The following HS6ST3 variants were observed in gnomAD, a reference collection of about 807,000 sequenced individuals.
HS6ST3 encodes the protein heparan sulfate 6-O-sulfotransferase 3, also known as heparan-sulfate 6-O-sulfotransferase 3.
A neutral mutation model predicts 36.7 loss-of-function variants in HS6ST3; 12 were observed. The ratio of observed to expected loss-of-function variants is 0.33; its 90% CI spans 0.21 to 0.53. The LOEUF is 0.53. Among genes scored for constraint, HS6ST3 ranks in the 20% least tolerant of loss-of-function variants. The pLI is 0.95. For missense variants in HS6ST3, 584 were observed against 640.9 expected (o/e 0.91, Z 0.96); for synonymous variants, 240 against 257.5 (o/e 0.93, Z 0.65).
intron 1 of HS6ST3, among the ~76,000 whole-genome samples, chr13:96,328,135 A>G (rs1424611145): frequency 6.3e-5 from 9 of 142,072 alleles, no homozygotes; most frequent in Non-Finnish European, 9.2e-5. Flanking sequence ...AACAGGGACA[A>G]TTTGACTTCC....
At chr13:96,113,052 A>G (rs552859715) in intron 1 of HS6ST3, among the ~76,000 whole-genome samples, 121 of 152,228 alleles carry the variant, frequency 7.9e-4, no homozygotes, top group Non-Finnish European at 1.4e-3. Context: ...GGCTGCTGCA[A>G]TGGGCACTGC....
chr13:96,757,847 T>C (rs1594853285), intron 1 of HS6ST3, among the ~76,000 whole-genome samples: 1 of 152,156 alleles, frequency 6.6e-6, no homozygotes, highest in Non-Finnish European at 1.5e-5. Context: ...TTATCTTTTT[T>C]ACACATTATG....
chr13:96,700,476 G>A (rs1455558876), intron 1 of HS6ST3, among the ~76,000 whole-genome samples: 1 of 152,080 alleles, frequency 6.6e-6, no homozygotes, highest in Non-Finnish European at 1.5e-5. Flanking sequence ...CCTTGCTCAG[G>A]ACCTGAGCAT....
chr13:96,676,471 C>A (rs898062054), intron 1 of HS6ST3, among the ~76,000 whole-genome samples: 1 of 152,128 alleles, frequency 6.6e-6, no homozygotes, highest in Admixed American at 6.5e-5. Flanking sequence ...ACCTCCATTA[C>A]AGGTCCAGTA....
chr13:96,708,823 A>G (rs975230071), intron 1 of HS6ST3, among the ~76,000 whole-genome samples: 1 of 152,230 alleles, frequency 6.6e-6, no homozygotes, highest in Non-Finnish European at 1.5e-5. Context: ...AGGCGATATT[A>G]TAACATAGAT....
At chr13:96,177,997 TTAGG>T (rs1441432507) in intron 1 of HS6ST3, among the ~76,000 whole-genome samples, 1 of 152,020 alleles carries the variant, frequency 6.6e-6, no homozygotes, top group African/African-American at 2.4e-5. Context: ...GGACTGTGAT[TTAGG>T]TATTGTGGTT....
intron 1 of HS6ST3, among the ~76,000 whole-genome samples, chr13:96,126,832 C>T (rs1038609400): frequency 1.3e-5 from 2 of 152,126 alleles, no homozygotes; most frequent in African/African-American, 2.4e-5. Context: ...GGTCCTGGCT[C>T]ATCTGGGCCT....
At chr13:96,452,501 C>G (rs955179622) in intron 1 of HS6ST3, among the ~76,000 whole-genome samples, 9 of 152,006 alleles carry the variant, frequency 5.9e-5, no homozygotes, top group African/African-American at 2.2e-4. Context: ...CAATGTCATT[C>G]AAATTTTCTT....
At chr13:96,565,969 C>T (rs938531170) in intron 1 of HS6ST3, among the ~76,000 whole-genome samples, 2 of 151,780 alleles carry the variant, frequency 1.3e-5, no homozygotes, top group African/African-American at 2.4e-5. Flanking sequence ...ATAAAAGGTA[C>T]CTGATGCAGG....
intron 1 of HS6ST3, among the ~76,000 whole-genome samples, chr13:96,620,451 G>C (rs1032252983): frequency 1.3e-5 from 2 of 152,130 alleles, no homozygotes; most frequent in East Asian, 1.9e-4. Context: ...ACTTACACAA[G>C]TACCCTGGGT....
chr13:96,337,227 C>T (rs187450255), intron 1 of HS6ST3, among the ~76,000 whole-genome samples: 51 of 152,170 alleles, frequency 3.4e-4, no homozygotes, highest in Middle Eastern at 3.4e-3. Context: ...CCACCATGCC[C>T]GGCTAATTTT....
intron 1 of HS6ST3, among the ~76,000 whole-genome samples, chr13:96,655,944 T>C (rs1419399443): frequency 6.6e-6 from 1 of 152,162 alleles, no homozygotes; most frequent in East Asian, 1.9e-4. Context: ...TAGTAAAATA[T>C]GTCACTCATT....
intron 1 of HS6ST3, among the ~76,000 whole-genome samples, chr13:96,173,699 T>C (rs1210442719): frequency 7.4e-6 from 1 of 135,630 alleles, no homozygotes; most frequent in African/African-American, 2.8e-5. Context: ...AAAAATGGAG[T>C]CCAGAGGATA....
chr13:96,686,770 T>C (rs1874792585), intron 1 of HS6ST3, among the ~76,000 whole-genome samples: 1 of 152,072 alleles, frequency 6.6e-6, no homozygotes, highest in Admixed American at 6.6e-5. Flanking sequence ...TTCATTTCCC[T>C]ATTGTGGAAA....
At chr13:96,370,886 A>T (rs1399638866) in intron 1 of HS6ST3, among the ~76,000 whole-genome samples, 1 of 152,246 alleles carries the variant, frequency 6.6e-6, no homozygotes, top group African/African-American at 2.4e-5. Context: ...TGACGGAGCG[A>T]GACACCGTAT....
At chr13:96,588,987 G>C (rs1475341241) in intron 1 of HS6ST3, among the ~76,000 whole-genome samples, 1 of 149,320 alleles carries the variant, frequency 6.7e-6, no homozygotes, top group Admixed American at 6.7e-5. Flanking sequence ...GGAGGCGGAG[G>C]TTGCAGTGAG....
intron 1 of HS6ST3, among the ~76,000 whole-genome samples, chr13:96,725,046 A>G (rs1363940827): frequency 6.6e-6 from 1 of 152,200 alleles, no homozygotes; most frequent in African/African-American, 2.4e-5. Context: ...TGTCCCGGAC[A>G]CTTAGTATAG....
At chr13:96,547,838 C>T (rs375844891) in intron 1 of HS6ST3, among the ~76,000 whole-genome samples, 12 of 151,760 alleles carry the variant, frequency 7.9e-5, no homozygotes, top group Admixed American at 4.6e-4. Flanking sequence ...TTGGCTTAAA[C>T]GACTTAACAG....
At chr13:96,205,049 G>A (rs1458427863) in intron 1 of HS6ST3, among the ~76,000 whole-genome samples, 2 of 151,462 alleles carry the variant, frequency 1.3e-5, no homozygotes, top group Non-Finnish European at 2.9e-5. Context: ...AAATCCAGGA[G>A]TTTTTTTTGA....
Sources: allele counts gnomAD v4.1 joint callset (sites outside exome capture counted in the v4.1 genomes callset), GRCh38; gene constraint gnomAD v4.1.1; transcripts MANE v1.5; gene names NCBI Gene and HGNC (gene_info 2026-07-23, HGNC 2026-07-21).